NECTIN2: variants seen among roughly 807,000 people sequenced by gnomAD.
NECTIN2 encodes the protein nectin-2.
A neutral mutation model predicts 56.9 loss-of-function variants in NECTIN2; 23 were observed. That is an observed-to-expected ratio of 0.40 (90% CI 0.29 to 0.57). The LOEUF is 0.57. NECTIN2 is among the 20% of genes least tolerant of loss of function. The pLI, the probability that NECTIN2 is intolerant of heterozygous loss-of-function variation, is 0.38. For synonymous variants in NECTIN2, 302 were observed against 313.8 expected, an observed-to-expected ratio of 0.96 and a Z score of 0.40; for missense variants, 587 against 718.3, an observed-to-expected ratio of 0.82 and a Z score of 2.09.
intron 5 of NECTIN2, among the ~76,000 whole-genome samples, chr19:44,876,160 C>T (rs1021637452): frequency 2.0e-5 from 3 of 152,150 alleles, no homozygotes; most frequent in African/African-American, 7.2e-5. Flanking sequence ...TATGTGTTTC[C>T]TGTTTGCTAG....
chr19:44,863,800 C>T (rs937648162), intron 1 of NECTIN2, among the ~76,000 whole-genome samples: 10 of 149,746 alleles, frequency 6.7e-5, no homozygotes, highest in Non-Finnish European at 1.5e-4. Context: ...CAAGATTGCT[C>T]CACTGCACCC....
intron 5 of NECTIN2, chr19:44,878,407 T>C (rs1008325325): frequency 2.6e-6 from 4 of 1,565,808 alleles, no homozygotes; most frequent in African/African-American, 1.4e-5. Context: ...GATTCTACGA[T>C]CCGAAAGCTC....
intron 6 of NECTIN2, 106 bp downstream of exon 6, chr19:44,882,470 CAG>C (rs2122710103): frequency 1.8e-6 from 2 of 1,097,276 alleles, no homozygotes; most frequent in East Asian, 6.5e-5. Context: ...CTGTGTGAAA[CAG>C]ACAGACCTAA....
intron 5 of NECTIN2, among the ~76,000 whole-genome samples, chr19:44,880,668 C>T (rs1188440320): frequency 6.7e-6 from 1 of 150,162 alleles, no homozygotes; most frequent in African/African-American, 2.5e-5. Flanking sequence ...CCCTATATTA[C>T]CCAGATTGGG....
intron 2 of NECTIN2, 46 bp from the exon 3 acceptor site, chr19:44,871,807 T>A (rs1262896057): frequency 6.3e-7 from 1 of 1,579,982 alleles, no homozygotes; most frequent in South Asian, 1.1e-5. Flanking sequence ...GTTTGTTGAA[T>A]GACTGCCGGT....
chr19:44,886,721 C>A (rs1213951513), intron 8 of NECTIN2, among the ~76,000 whole-genome samples: 1 of 151,296 alleles, frequency 6.6e-6, no homozygotes, highest in Non-Finnish European at 1.5e-5. Flanking sequence ...GATTCCGTCT[C>A]AAAAAAATAA....
In NECTIN2 at chr19:44,873,923, T is replaced by C. The variant is rs370069560; in HGVS notation, c.783T>C (p.Pro261=). ...TCCCCCCATTTCCCCCAGACCCTCCTGAAGTGTCCATCTCCGGCTATGATG... is the reference window on the plus strand; with the variant it reads ...TCCCCCCATTTCCCCCAGACCCTCCCGAAGTGTCCATCTCCGGCTATGATG... ...IPVTLSVRYP[P]EVSISGYDDN... The change falls in exon 4 of 9, where the codon CCT becomes CCC. Residue 261 remains proline, a synonymous_variant. Coordinates refer to ENST00000252483, the MANE Select transcript of NECTIN2 (RefSeq NM_001042724.2). 1.2e-6 allele frequency: 2 copies of C among 1,612,954 alleles called. No homozygotes were observed. The highest frequency in any genetic ancestry group is 1.7e-6 in the Non-Finnish European group (2 of 1,179,068).
In NECTIN2 at chr19:44,871,952, G is replaced by C; in HGVS notation, c.578G>C (p.Arg193Pro). 1 of 1,614,114 alleles carries C rather than the reference G, an allele frequency of 6.2e-7. No homozygotes were observed. Among genetic ancestry groups the C allele is most frequent in the Non-Finnish European group, 8.5e-7 (1 of 1,180,018 alleles). ...TCCAAAGAGGGCCGCCCACCTGCCC[G>C]GATCTCCTGGCTCTCATCCCTGGAC... ...CISKEGRPPA[R>P]ISWLSSLDWE... is the part of the protein sequence containing the mutation. The change falls in exon 3 of 9, where the codon CGG becomes CCG. Residue 193 changes from arginine (R) to proline (P), a missense_variant. Arg to Pro is a moderately radical substitution (Grantham distance 103). Transcript: ENST00000252483.
intron 2 of NECTIN2, among the ~76,000 whole-genome samples, chr19:44,870,095 G>A (rs1490263800): frequency 6.6e-6 from 1 of 152,192 alleles, no homozygotes; most frequent in East Asian, 1.9e-4. Flanking sequence ...CGGCGGTCAG[G>A]AAAGTGCCCT....
chr19:44,871,520 CCT>C (rs1969174145), intron 2 of NECTIN2, among the ~76,000 whole-genome samples: 1 of 151,952 alleles, frequency 6.6e-6, no homozygotes, highest in African/African-American at 2.4e-5. Context: ...AGAGCGGGCC[CCT>C]GTCTCTAAAA....
At chr19:44,878,683 C>T in intron 5 of NECTIN2, 1 of 1,532,888 alleles carries the variant, frequency 6.5e-7, no homozygotes. Context: ...ACCACGCCGG[C>T]CTAGGGTTCC....
At chr19:44,860,926 G>A (rs1051405358) in intron 1 of NECTIN2, among the ~76,000 whole-genome samples, 2 of 149,246 alleles carry the variant, frequency 1.3e-5, no homozygotes, top group East Asian at 2.0e-4. Context: ...ATTGTGTAGC[G>A]TAAGAATTTA....
At position 44,875,525 on chromosome 19, in the gene NECTIN2, C is replaced by T. The variant is rs555012829; in HGVS notation, c.1042+1047C>T. Among the ~76,000 whole-genome samples, 15 of 152,306 alleles carry T rather than the reference C, an allele frequency of 9.8e-5. No homozygotes were observed. Among genetic ancestry groups the T allele is most frequent in the Admixed American group, 5.2e-4 (8 of 15,306 alleles). On this transcript the variant is annotated intron_variant, in intron 5 of 8. Transcript: ENST00000252483. This position sits in a 1 kb window ranked among gnomAD's most constrained non-coding sequence, Gnocchi z 4.2. ...AGGTGATCCACCCGCCTCGGCCTCA[C>T]GAAGTGCTGGGATTATATGCATGAG...
intron 1 of NECTIN2, among the ~76,000 whole-genome samples, chr19:44,861,069 C>A (rs1265647764): frequency 6.6e-6 from 1 of 151,970 alleles, no homozygotes; most frequent in Non-Finnish European, 1.5e-5. Context: ...CATTAATCAT[C>A]AGAGAAATGC....
At chr19:44,879,734 T>C (rs1969287074) in intron 5 of NECTIN2, among the ~76,000 whole-genome samples, 1 of 152,146 alleles carries the variant, frequency 6.6e-6, no homozygotes, top group African/African-American at 2.4e-5. Context: ...GCCTCCTCTG[T>C]AACACGGGGC....
chr19:44,880,459 C>G (rs1187849543), intron 5 of NECTIN2, among the ~76,000 whole-genome samples: 1 of 149,294 alleles, frequency 6.7e-6, no homozygotes, highest in African/African-American at 2.5e-5. Context: ...CTTCTCGACC[C>G]CTTTTCCTGT....
chr19:44,870,346 G>A (rs1360913805), intron 2 of NECTIN2, among the ~76,000 whole-genome samples: 3 of 152,100 alleles, frequency 2.0e-5, no homozygotes, highest in Admixed American at 6.6e-5. Flanking sequence ...GATGCTCCAC[G>A]ATGGTCAGGG....
chr19:44,882,023 C>A, intron 5 of NECTIN2, 188 bp from the exon 6 acceptor site: 1 of 432,770 alleles, frequency 2.3e-6, no homozygotes, highest in Non-Finnish European at 3.9e-6. Context: ...CTCCACTCAT[C>A]TCCCATGCGG....
rs57740346 is a variant in NECTIN2, at chr19:44,862,992, CAAA to C, written c.89-2261_89-2259del. On this transcript the variant is annotated intron_variant, in intron 1 of 8. Coordinates refer to ENST00000252483, the MANE Select transcript of NECTIN2 (RefSeq NM_001042724.2). ...TGAAACCCCGTCTCTACTAAAAATACAAAAAAAAAAAAAAAAAAAATTAGCCGG... is the reference window on the plus strand; with the variant it reads ...TGAAACCCCGTCTCTACTAAAAATACAAAAAAAAAAAAAAAAATTAGCCGG... 3.8e-3 allele frequency among the ~76,000 whole-genome samples: 473 copies of C among 123,100 alleles called. 4 individuals carry two copies. The highest frequency in any genetic ancestry group is 0.013 in the African/African-American group (404 of 31,698). The allele number at this position is 123,100 out of a possible 152,430, so 80.8% of individuals were successfully genotyped here.
Sources: gnomAD v4.1 joint callset for allele counts (sites outside exome capture counted in the v4.1 genomes callset) on GRCh38, gnomAD v4.1.1 for gene constraint, Gnocchi (gnomAD v3.1) non-coding constraint, MANE v1.5 for transcripts, NCBI Gene and HGNC (gene_info 2026-07-23, HGNC 2026-07-21) for gene names.